Variants in APOBEC3A observed in about 807,000 individuals in gnomAD.
APOBEC3A encodes DNA dC->dU-editing enzyme APOBEC-3A.
In APOBEC3A, 13 loss-of-function variants were observed where a neutral mutation model predicts 23.0. The observed-to-expected ratio is 0.57, with a 90% confidence interval of 0.37 to 0.90. The LOEUF (loss-of-function observed/expected upper bound fraction) is 0.90, where lower values mean the gene tolerates loss of function less well. Ranked by LOEUF, APOBEC3A falls within the 40% of genes least tolerant of loss-of-function variation. The pLI is 0.01. For synonymous variants in APOBEC3A, 74 were observed against 101.3 expected (o/e 0.73, Z 1.62); for missense variants, 179 against 264.9 (o/e 0.68, Z 2.25).
rs7286317 is a variant in APOBEC3A, at chr22:38,962,775, G to A, written c.*266G>A. ...AGATCGAGACCATCCTGGCTAACACGGTGAAACCCTGTCTCTACTAAAAAT... is the reference window on the plus strand; with the variant it reads ...AGATCGAGACCATCCTGGCTAACACAGTGAAACCCTGTCTCTACTAAAAAT... On this transcript the variant is annotated 3_prime_UTR_variant, in exon 5 of 5. Coordinates refer to ENST00000249116, the MANE Select transcript of APOBEC3A (RefSeq NM_145699.4). The A allele has an allele frequency of 0.026, 21,415 of 815,534 alleles. 2,249 individuals carry two copies. The highest frequency in any genetic ancestry group is 0.13 in the East Asian group (3,146 of 24,566). 50.5% of individuals were successfully genotyped at this position (815,534 alleles called of 1,614,324 possible). A position where few individuals can be genotyped will look rare whatever the true frequency, so the allele number is the denominator to read the frequency against.
rs148262740 is a variant in APOBEC3A at position 38,959,071 on chromosome 22, G to T, written c.30-471G>T. Among the ~76,000 whole-genome samples, 314 of 152,180 alleles carry T rather than the reference G, an allele frequency of 2.1e-3. 1 individual carries two copies. Among genetic ancestry groups the T allele is most frequent in the Non-Finnish European group, 1.8e-3 (121 of 67,988 alleles). On this transcript the variant is annotated intron_variant, in intron 1 of 4. Coordinates refer to ENST00000249116, the MANE Select transcript of APOBEC3A (RefSeq NM_145699.4). ...ATGTGGAAAATCCTATGAATTACCC[G>T]AAAAGAAGTCCCTGGCAGGTTCCTC... is the stretch of plus-strand genomic sequence containing the variant.
At chr22:38,958,504 T>C (rs564151909) in intron 1 of APOBEC3A, among the ~76,000 whole-genome samples, 2 of 149,202 alleles carry the variant, frequency 1.3e-5, no homozygotes, top group Admixed American at 1.3e-4. Flanking sequence ...TCTTTCTTTT[T>C]CTTTCATTCT....
intron 1 of APOBEC3A, among the ~76,000 whole-genome samples, chr22:38,958,779 C>T (rs1922724991): frequency 1.6e-4 from 21 of 131,452 alleles, no homozygotes; most frequent in African/African-American, 2.6e-4. Context: ...CTCTTTCTTT[C>T]TTTCTTTCTT....
At chr22:38,962,326 C>T (rs1398732429) in intron 4 of APOBEC3A, 113 bp downstream of exon 4, 2 of 1,578,830 alleles carry the variant, frequency 1.3e-6, no homozygotes, top group South Asian at 2.3e-5. Context: ...CTGCTCCCCA[C>T]AGGGCGCCCA....
In APOBEC3A at chr22:38,959,652, A is replaced by G. The variant is rs775624056; in HGVS notation, c.140A>G (p.Lys47Arg). ...CGCCTGGACAATGGCACCTCGGTCA[A>G]GATGGACCAGCACAGGGGCTTTCTA... ...VERLDNGTSV[K>R]MDQHRGFLHN... The change falls in exon 2 of 5, where the codon AAG becomes AGG. Residue 47 changes from lysine (K) to arginine (R), a missense_variant. Physicochemically the swap from Lys to Arg is conservative, Grantham distance 26. This residue lies in a region of APOBEC3A where 87 missense variants were observed against 74.5 expected (regional missense o/e 1.17). Transcript: ENST00000249116. 3 of 1,614,104 alleles carry G rather than the reference A, an allele frequency of 1.9e-6. No individual in the cohort carries two copies. Among genetic ancestry groups the G allele is most frequent in the Non-Finnish European group, 2.5e-6 (3 of 1,180,004 alleles).
rs1603264599 is a variant in APOBEC3A, at chr22:38,962,769, T to C, written c.*260T>C. 10 of 861,350 alleles carry C rather than the reference T, an allele frequency of 1.2e-5. 2 individuals are homozygous for C. Among genetic ancestry groups the C allele is most frequent in the East Asian group, 3.9e-5 (1 of 25,624 alleles). 53.4% of individuals were successfully genotyped at this position (861,350 alleles called of 1,614,324 possible). Reference sequence around the variant, plus strand: ...GTCAGGAGATCGAGACCATCCTGGCTAACACGGTGAAACCCTGTCTCTACT... The same window carrying C: ...GTCAGGAGATCGAGACCATCCTGGCCAACACGGTGAAACCCTGTCTCTACT... On this transcript the variant is annotated 3_prime_UTR_variant, in exon 5 of 5. Coordinates refer to ENST00000249116, the MANE Select transcript of APOBEC3A (RefSeq NM_145699.4).
chr22:38,959,693 G>A lies in APOBEC3A; in HGVS notation c.174+7G>A, dbSNP rs376507954. 1.8e-5 allele frequency: 29 copies of A among 1,611,932 alleles called. No individual in the cohort carries two copies. The highest frequency in any genetic ancestry group is 5.3e-5 in the African/African-American group (4 of 74,848). ...GGGCTTTCTACACAACCAGGTGACC[G>A]ACCCAGCCATCCGAATCCGGGCAGG... On this transcript the variant is annotated splice_region_variant and intron_variant, in intron 2 of 4. Coordinates refer to ENST00000249116, the MANE Select transcript of APOBEC3A (RefSeq NM_145699.4).
intron 2 of APOBEC3A, 27 bp downstream of exon 2, chr22:38,959,713 G>C (rs1922788704): frequency 6.2e-7 from 1 of 1,605,856 alleles, no homozygotes; most frequent in South Asian, 1.1e-5. Flanking sequence ...TCCGAATCCG[G>C]GCAGGGCCCT....
intron 1 of APOBEC3A, among the ~76,000 whole-genome samples, chr22:38,958,279 C>T (rs1390117187): frequency 6.6e-6 from 1 of 151,264 alleles, no homozygotes; most frequent in African/African-American, 2.4e-5. Flanking sequence ...TCCTTCTTTC[C>T]TTCCTTCCTT....
At chr22:38,958,534 A>C (rs1303367097) in intron 1 of APOBEC3A, among the ~76,000 whole-genome samples, 150 of 75,292 alleles carry the variant, frequency 2.0e-3, no homozygotes, top group Middle Eastern at 9.4e-3. Flanking sequence ...TCTTTCTTTT[A>C]CTTCCTTCCT....
intron 2 of APOBEC3A, 52 bp from the exon 3 acceptor site, chr22:38,961,335 C>A (rs575710987): frequency 1.5e-5 from 13 of 895,218 alleles, no homozygotes; most frequent in East Asian, 3.0e-5. Flanking sequence ...CTGGTCCAGG[C>A]GCTCCCTCCC....
chr22:38,960,097 T>C (rs1413374612), intron 2 of APOBEC3A, among the ~76,000 whole-genome samples: 1 of 152,128 alleles, frequency 6.6e-6, no homozygotes, highest in African/African-American at 2.4e-5. Flanking sequence ...CTGCCCAGGG[T>C]GGAGCCCACA....
rs373550163 is a variant in APOBEC3A at position 38,959,673 on chromosome 22, T to G, written c.161T>G (p.Phe54Cys). 2 of 1,613,486 alleles carry G rather than the reference T, an allele frequency of 1.2e-6. No homozygotes were observed. Among genetic ancestry groups the G allele is most frequent in the African/African-American group, 2.7e-5 (2 of 74,982 alleles). ...GTCAAGATGGACCAGCACAGGGGCT[T>G]TCTACACAACCAGGTGACCGACCCA... is the stretch of plus-strand genomic sequence containing the variant. ...TSVKMDQHRG[F>C]LHNQAKNLLC... Residue 54 changes from phenylalanine to cysteine, a missense_variant, in exon 2 of 5, where the codon TTT becomes TGT. Around this residue, in one of 5 missense-constraint regions of APOBEC3A, gnomAD observed 87 missense variants for 74.5 expected, o/e 1.17. Coordinates refer to ENST00000249116, the MANE Select transcript of APOBEC3A (RefSeq NM_145699.4).
In APOBEC3A at chr22:38,959,615, T is replaced by A. The variant is rs779665399; in HGVS notation, c.103T>A (p.Tyr35Asn). 108 of 1,613,976 alleles carry A rather than the reference T, an allele frequency of 6.7e-5. No individual in the cohort carries two copies. The highest frequency in any genetic ancestry group is 8.6e-5 in the Non-Finnish European group (102 of 1,180,008). ...GIGRHKTYLC[Y>N]EVERLDNGTS... ...TGGAAGGCATAAGACCTACCTGTGC[T>A]ACGAAGTGGAGCGCCTGGACAATGG... The change falls in exon 2 of 5, where the codon TAC becomes AAC. Residue 35 changes from tyrosine to asparagine, a missense_variant. Tyr to Asn is a moderately radical substitution (Grantham distance 143). Coordinates refer to ENST00000249116, the MANE Select transcript of APOBEC3A (RefSeq NM_145699.4).
At position 38,961,618 on chromosome 22, in the gene APOBEC3A, T is replaced by C. The variant is rs1922890992; in HGVS notation, c.406T>C (p.Tyr136His). ...AARIYDYDPL[Y>H]KEALQMLRDA... ...CCGCATCTATGATTACGACCCCCTA[T>C]ATAAGGAGGCACTGCAAATGCTGCG... Residue 136 changes from tyrosine (Y) to histidine (H), a missense_variant, in exon 3 of 5, where the codon TAT becomes CAT. Physicochemically the swap from Tyr to His is moderately conservative, Grantham distance 83 (BLOSUM62 2). Transcript: ENST00000249116. 1.3e-6 allele frequency: 2 copies of C among 1,487,492 alleles called. No homozygotes were observed. Among genetic ancestry groups the C allele is most frequent in the Non-Finnish European group, 1.8e-6 (2 of 1,085,332 alleles). The allele number at this position is 1,487,492 out of a possible 1,614,324, so 92.1% of individuals were successfully genotyped here.
Position 38,959,681 on chromosome 22 carries a change from A to G in APOBEC3A, c.169A>G (p.Asn57Asp), listed in dbSNP as rs754279507. ...GGACCAGCACAGGGGCTTTCTACACAACCAGGTGACCGACCCAGCCATCCG... is the reference window on the plus strand; with the variant it reads ...GGACCAGCACAGGGGCTTTCTACACGACCAGGTGACCGACCCAGCCATCCG... ...KMDQHRGFLH[N>D]QAKNLLCGFY... Residue 57 changes from asparagine (N) to aspartate (D), a missense_variant, in exon 2 of 5, where the codon AAC becomes GAC. Around this residue, in one of 5 missense-constraint regions of APOBEC3A, gnomAD observed 87 missense variants for 74.5 expected, o/e 1.17. Transcript: ENST00000249116. 5.0e-6 allele frequency: 8 copies of G among 1,613,292 alleles called. No homozygotes were observed. In the Admixed American group the frequency reaches 1.3e-4, roughly 27 times the overall value.
intron 2 of APOBEC3A, 35 bp downstream of exon 2, chr22:38,959,721 C>G (rs2042267373): frequency 6.2e-7 from 1 of 1,602,008 alleles, no homozygotes; most frequent in African/African-American, 1.3e-5. Context: ...CGGGCAGGGC[C>G]CTTCCAATCC....
In APOBEC3A at chr22:38,959,801, C is replaced by T. The variant is rs559984247; in HGVS notation, c.174+115C>T. 5.9e-4 allele frequency: 809 copies of T among 1,378,356 alleles called. 14 individuals are homozygous for T. The South Asian group carries it at 0.011, about 19-fold the overall frequency. 85.4% of individuals were successfully genotyped at this position (1,378,356 alleles called of 1,614,324 possible). A position where few individuals can be genotyped will look rare whatever the true frequency, so the allele number is the denominator to read the frequency against. ...CCTGCAGTGTTTGTCACTTGTGCTT[C>T]CTGCAGCTGCTGCTGCTTGGCCCTG... On this transcript the variant is annotated intron_variant, in intron 2 of 4. Transcript: ENST00000249116.
Position 38,962,636 on chromosome 22 carries a change from C to A in APOBEC3A, c.*127C>A. ...CAGCTGCTCACAGACGCCAGCAAAGCAGTATGCTCCCGATCAAGTAGATTT... is the reference window on the plus strand; with the variant it reads ...CAGCTGCTCACAGACGCCAGCAAAGAAGTATGCTCCCGATCAAGTAGATTT... On this transcript the variant is annotated 3_prime_UTR_variant, in exon 5 of 5. Transcript: ENST00000249116. 1 of 1,579,154 alleles carries A rather than the reference C, an allele frequency of 6.3e-7. No individual in the cohort carries two copies. Among genetic ancestry groups the A allele is most frequent in the Non-Finnish European group, 8.6e-7 (1 of 1,164,376 alleles).
Sources: allele counts gnomAD v4.1 joint callset (sites outside exome capture counted in the v4.1 genomes callset), GRCh38; gene constraint gnomAD v4.1.1; regional missense constraint gnomAD v4.1.1; transcripts MANE v1.5; gene names NCBI Gene and HGNC (gene_info 2026-07-23, HGNC 2026-07-21).